PDE4D: variants seen among roughly 807,000 people sequenced by gnomAD.
PDE4D encodes phosphodiesterase 4D.
In PDE4D, 24 loss-of-function variants were observed where a neutral mutation model predicts 87.4. The observed-to-expected ratio is 0.27, with a 90% CI of 0.20 to 0.39. The LOEUF (loss-of-function observed/expected upper bound fraction) is 0.39, where lower values mean the gene tolerates loss of function less well. Ranked by LOEUF, PDE4D falls within the 10% of genes least tolerant of loss-of-function variation. The pLI, the probability that PDE4D is intolerant of heterozygous loss-of-function variation, is 1.00. For synonymous variants in PDE4D, 384 were observed against 383.2 expected, an observed-to-expected ratio of 1.00 and a Z score of -0.02; for missense variants, 714 against 1,041.0, an observed-to-expected ratio of 0.69 and a Z score of 4.32.
intron 1 of PDE4D, among the ~76,000 whole-genome samples, chr5:59,818,573 A>G (rs142953602): frequency 1.9e-3 from 285 of 152,326 alleles, no homozygotes; most frequent in African/African-American, 6.6e-3. Context: ...CCTCTGGGAA[A>G]ATAACTTTGC....
At chr5:59,507,137 G>A (rs1232478898) in intron 1 of PDE4D, among the ~76,000 whole-genome samples, 1 of 152,084 alleles carries the variant, frequency 6.6e-6, no homozygotes, top group African/African-American at 2.4e-5. Context: ...TTCGTGACCA[G>A]CCCGGCCAAA....
chr5:60,438,223 C>A (rs1391898733), intron 1 of PDE4D, among the ~76,000 whole-genome samples: 1 of 152,036 alleles, frequency 6.6e-6, no homozygotes, highest in African/African-American at 2.4e-5. Context: ...TTTACACTTG[C>A]AAGTAATAAT....
intron 1 of PDE4D, among the ~76,000 whole-genome samples, chr5:60,429,097 C>T (rs1394853915): frequency 1.3e-5 from 2 of 152,180 alleles, no homozygotes; most frequent in African/African-American, 2.4e-5. Context: ...TATGGTTTCT[C>T]TAGCTATAAG....
intron 1 of PDE4D, among the ~76,000 whole-genome samples, chr5:59,236,557 C>T (rs1235929893): frequency 6.6e-6 from 1 of 152,154 alleles, no homozygotes; most frequent in Non-Finnish European, 1.5e-5. Context: ...GACCTTCTAG[C>T]TTTAACATTC....
chr5:59,035,525 C>A (rs1472565906), intron 6 of PDE4D, among the ~76,000 whole-genome samples: 1 of 152,146 alleles, frequency 6.6e-6, no homozygotes, highest in East Asian at 1.9e-4. Flanking sequence ...TGAAGTTTGA[C>A]CTAAAACCCA....
chr5:59,112,160 T>C (rs561024635), intron 5 of PDE4D, among the ~76,000 whole-genome samples: 5 of 152,206 alleles, frequency 3.3e-5, no homozygotes, highest in African/African-American at 9.6e-5. Context: ...GGCCCTAAGA[T>C]ACCGGGGGAA....
chr5:59,776,248 A>G (rs1764066684), intron 1 of PDE4D, among the ~76,000 whole-genome samples: 2 of 152,176 alleles, frequency 1.3e-5, no homozygotes, highest in African/African-American at 4.8e-5. Context: ...CAACAAGTTC[A>G]TTAAACTTCT....
At chr5:59,459,395 T>C (rs1243434799) in intron 1 of PDE4D, among the ~76,000 whole-genome samples, 1 of 152,186 alleles carries the variant, frequency 6.6e-6, no homozygotes, top group Admixed American at 6.5e-5. Flanking sequence ...CTGTTTCACA[T>C]TCTATACATT....
intron 1 of PDE4D, among the ~76,000 whole-genome samples, chr5:59,345,724 A>G (rs1344958983): frequency 6.6e-6 from 1 of 152,198 alleles, no homozygotes; most frequent in East Asian, 1.9e-4. Context: ...CTTTGGTAAG[A>G]ATGCAGAGAA....
At chr5:60,200,131 C>T (rs1191336927) in intron 1 of PDE4D, among the ~76,000 whole-genome samples, 1 of 151,530 alleles carries the variant, frequency 6.6e-6, no homozygotes, top group Non-Finnish European at 1.5e-5. Flanking sequence ...GGGGCATTTG[C>T]TATGTACCAG....
intron 2 of PDE4D, among the ~76,000 whole-genome samples, chr5:60,032,160 A>G (rs1199478923): frequency 1.3e-5 from 2 of 152,202 alleles, no homozygotes; most frequent in African/African-American, 2.4e-5. Flanking sequence ...AGGGAAATAC[A>G]GTAAAATCTT....
chr5:60,449,387 G>T (rs935403318), intron 1 of PDE4D, among the ~76,000 whole-genome samples: 2 of 149,846 alleles, frequency 1.3e-5, no homozygotes, highest in Admixed American at 1.3e-4. Context: ...GTAAACTATC[G>T]CAAGAACAAA....
chr5:60,414,404 T>G (rs1169563339), intron 1 of PDE4D, among the ~76,000 whole-genome samples: 5 of 152,184 alleles, frequency 3.3e-5, no homozygotes, highest in Non-Finnish European at 7.3e-5. Context: ...TATTAAGATA[T>G]GCATTGCCCA....
chr5:59,624,282 C>T (rs920485907), intron 1 of PDE4D, among the ~76,000 whole-genome samples: 6 of 149,716 alleles, frequency 4.0e-5, no homozygotes, highest in African/African-American at 4.9e-5. Flanking sequence ...TCTCTGACAT[C>T]TTCAGTCTAT....
intron 1 of PDE4D, among the ~76,000 whole-genome samples, chr5:59,493,011 T>C (rs565939618): frequency 6.6e-6 from 1 of 152,284 alleles, no homozygotes; most frequent in East Asian, 1.9e-4. Flanking sequence ...GTGTCAAGGG[T>C]GTCTTTATCA....
At chr5:59,322,124 C>T (rs1175771848) in intron 1 of PDE4D, among the ~76,000 whole-genome samples, 1 of 152,042 alleles carries the variant, frequency 6.6e-6, no homozygotes, top group Admixed American at 6.6e-5. Flanking sequence ...ATTCTCAGGA[C>T]TAATTAAGAC....
chr5:59,267,585 C>A (rs1763056180), intron 1 of PDE4D, among the ~76,000 whole-genome samples: 1 of 151,924 alleles, frequency 6.6e-6, no homozygotes, highest in East Asian at 1.9e-4. Context: ...TGAAAAAAGA[C>A]CAAGAAGTCA....
chr5:59,266,969 T>C (rs1005726866), intron 1 of PDE4D, among the ~76,000 whole-genome samples: 1 of 151,842 alleles, frequency 6.6e-6, no homozygotes, highest in Non-Finnish European at 1.5e-5. Context: ...AGTTTATTCA[T>C]ACAGTTGCTT....
intron 1 of PDE4D, among the ~76,000 whole-genome samples, chr5:59,421,094 A>AT (rs1442046485): frequency 6.6e-6 from 1 of 152,146 alleles, no homozygotes; most frequent in Non-Finnish European, 1.5e-5. Flanking sequence ...AAGTTTATAC[A>AT]TTTTGTGAGC....
Sources: allele counts gnomAD v4.1 joint callset (sites outside exome capture counted in the v4.1 genomes callset), GRCh38; gene constraint gnomAD v4.1.1; transcripts MANE v1.5; gene names NCBI Gene and HGNC (gene_info 2026-07-23, HGNC 2026-07-21).